The following KPNA3 variants were observed in gnomAD, a reference collection of about 807,000 sequenced individuals.
KPNA3 encodes importin subunit alpha-4.
In KPNA3, 13 loss-of-function variants were observed where a neutral mutation model predicts 73.8. The ratio of observed to expected loss-of-function variants is 0.18; its 90% CI spans 0.11 to 0.28. The LOEUF is 0.28. KPNA3 is among the 10% of genes least tolerant of loss of function. The pLI, the probability that KPNA3 is intolerant of heterozygous loss-of-function variation, is 1.00. For missense variants in KPNA3, 360 were observed against 618.1 expected (o/e 0.58, Z 4.43); for synonymous variants, 186 against 206.9 (o/e 0.90, Z 0.87).
At position 49,705,232 on chromosome 13, in the gene KPNA3, G is replaced by A. The variant is rs148391277; in HGVS notation, c.1372+389C>T. Among the ~76,000 whole-genome samples, 17 of 152,140 alleles carry A rather than the reference G, an allele frequency of 1.1e-4. No individual in the cohort carries two copies. In the East Asian group the frequency reaches 2.7e-3, roughly 24 times the overall value. ...AAATCCACTGGGTGTGGTGGTGTGC[G>A]CCTGTAATCCCGGCTACCTGGGAGG... is the stretch of plus-strand genomic sequence containing the variant. On this transcript the variant is annotated intron_variant, in intron 15 of 16. Transcript: ENST00000261667.
intron 6 of KPNA3, among the ~76,000 whole-genome samples, chr13:49,726,060 C>T (rs1246708021): frequency 6.6e-6 from 1 of 152,192 alleles, no homozygotes; most frequent in Admixed American, 6.5e-5. Context: ...CTTCGACTTC[C>T]TCTCCACAGA....
intron 7 of KPNA3, among the ~76,000 whole-genome samples, chr13:49,722,830 T>TAAAAA (rs10693298): frequency 5.0e-4 from 40 of 79,620 alleles, no homozygotes; most frequent in African/African-American, 9.8e-4. Context: ...TATAATCCAT[T>TAAAAA]AAAAAAAAAA....
intron 11 of KPNA3, 102 bp from the exon 12 acceptor site, chr13:49,709,802 AAC>A: frequency 9.9e-7 from 1 of 1,012,980 alleles, no homozygotes; most frequent in South Asian, 2.0e-5. Context: ...AGGCATAAAT[AAC>A]ACTTATTTCA....
intron 1 of KPNA3, among the ~76,000 whole-genome samples, chr13:49,791,515 C>G (rs998403429): frequency 1.9e-4 from 28 of 148,752 alleles, no homozygotes; most frequent in African/African-American, 7.0e-4. Flanking sequence ...AACTGAGTGA[C>G]CGCGATGAAT....
chr13:49,728,335 C>A (rs762740758), intron 6 of KPNA3, among the ~76,000 whole-genome samples: 28 of 152,030 alleles, frequency 1.8e-4, no homozygotes, highest in Non-Finnish European at 4.0e-4. Flanking sequence ...TTGGTCGTGC[C>A]CTAACAGAAG....
intron 6 of KPNA3, among the ~76,000 whole-genome samples, chr13:49,729,201 T>C (rs1301411899): frequency 6.6e-6 from 1 of 152,132 alleles, no homozygotes; most frequent in Admixed American, 6.6e-5. Context: ...CTGTATATGA[T>C]GAATTCTAGC....
intron 2 of KPNA3, among the ~76,000 whole-genome samples, chr13:49,740,993 C>T (rs1954568609): frequency 6.6e-6 from 1 of 152,122 alleles, no homozygotes; most frequent in Non-Finnish European, 1.5e-5. Flanking sequence ...TCTTTTAAGG[C>T]TAAAAAGTAT....
At chr13:49,742,742 T>C (rs1406056628) in intron 2 of KPNA3, among the ~76,000 whole-genome samples, 1 of 152,138 alleles carries the variant, frequency 6.6e-6, no homozygotes, top group African/African-American at 2.4e-5. Context: ...TCCGTGAACA[T>C]GGGATATCTT....
At chr13:49,735,616 G>A (rs1954515075) in intron 2 of KPNA3, among the ~76,000 whole-genome samples, 1 of 152,068 alleles carries the variant, frequency 6.6e-6, no homozygotes, top group Admixed American at 6.6e-5. Flanking sequence ...TCTTTTGTCA[G>A]GTGAGAAAGC....
In KPNA3 at chr13:49,730,176, T is replaced by C. The variant is rs376480996; in HGVS notation, c.383+2195A>G. ...TGTTTCATAGACACAGACACACAAA[T>C]GAGTCTACATATAAAAGACTGGAAA... On this transcript the variant is annotated intron_variant, in intron 6 of 16. Transcript: ENST00000261667. 7.9e-5 allele frequency among the ~76,000 whole-genome samples: 12 copies of C among 152,132 alleles called. No homozygotes were observed. The South Asian group carries it at 2.5e-3, about 32-fold the overall frequency.
intron 10 of KPNA3, among the ~76,000 whole-genome samples, chr13:49,711,810 A>G (rs1002094233): frequency 2.6e-5 from 4 of 152,220 alleles, no homozygotes; most frequent in African/African-American, 9.6e-5. Flanking sequence ...CCCTAAAATA[A>G]TAGCAGGCAC....
intron 12 of KPNA3, among the ~76,000 whole-genome samples, chr13:49,706,942 G>C (rs1954213306): frequency 6.6e-6 from 1 of 151,908 alleles, no homozygotes; most frequent in African/African-American, 2.4e-5. Context: ...GTAGAGACGG[G>C]GTTTCACCGT....
At chr13:49,767,421 A>C (rs1360448119) in intron 1 of KPNA3, among the ~76,000 whole-genome samples, 2 of 151,788 alleles carry the variant, frequency 1.3e-5, no homozygotes, top group African/African-American at 2.4e-5. Context: ...CTCAATAAAA[A>C]AAAAAAAAAG....
intron 1 of KPNA3, among the ~76,000 whole-genome samples, chr13:49,756,678 T>G (rs1233005702): frequency 6.6e-6 from 1 of 152,074 alleles, no homozygotes; most frequent in Non-Finnish European, 1.5e-5. Flanking sequence ...CCTATCAAAA[T>G]CCCAGCAATA....
At chr13:49,730,581 G>C (rs1378697141) in intron 6 of KPNA3, among the ~76,000 whole-genome samples, 4 of 138,936 alleles carry the variant, frequency 2.9e-5, no homozygotes, top group African/African-American at 1.1e-4. Flanking sequence ...CCTAAAGGTA[G>C]AAGTAGAATA....
chr13:49,774,351 C>T (rs1954879317), intron 1 of KPNA3, among the ~76,000 whole-genome samples: 1 of 152,212 alleles, frequency 6.6e-6, no homozygotes, highest in African/African-American at 2.4e-5. Flanking sequence ...GAATTCAACA[C>T]CTGGCAGCAG....
At chr13:49,785,842 C>A (rs1472123488) in intron 1 of KPNA3, among the ~76,000 whole-genome samples, 1 of 152,014 alleles carries the variant, frequency 6.6e-6, no homozygotes, top group East Asian at 1.9e-4. Context: ...GGGAAATGCA[C>A]AGGATGGATG....
intron 12 of KPNA3, among the ~76,000 whole-genome samples, chr13:49,707,521 GAAGT>G (rs1954219270): frequency 6.6e-6 from 1 of 152,034 alleles, no homozygotes; most frequent in African/African-American, 2.4e-5. Context: ...AAAAATTTTT[GAAGT>G]AACTAATTGC....
chr13:49,734,784 GAATTA>G (rs1188184360), intron 2 of KPNA3, among the ~76,000 whole-genome samples: 7 of 152,082 alleles, frequency 4.6e-5, no homozygotes, highest in African/African-American at 4.8e-5. Flanking sequence ...TAAAATTTGT[GAATTA>G]AATTATTCAA....
Sources: allele counts gnomAD v4.1 joint callset (sites outside exome capture counted in the v4.1 genomes callset), GRCh38; gene constraint gnomAD v4.1.1; transcripts MANE v1.5; gene names NCBI Gene and HGNC (gene_info 2026-07-23, HGNC 2026-07-21).